The following CSMD1 variants were observed in gnomAD, a reference collection of about 807,000 sequenced individuals.
CSMD1 encodes CUB and sushi domain-containing protein 1.
A neutral mutation model predicts 417.5 loss-of-function variants in CSMD1; 213 were observed. The observed-to-expected ratio is 0.51, with a 90% confidence interval of 0.46 to 0.57. The LOEUF (loss-of-function observed/expected upper bound fraction) is 0.57. Among genes scored for constraint, CSMD1 ranks in the 20% least tolerant of loss-of-function variants. CSMD1 has a pLI of 0.00. For synonymous variants in CSMD1, 2,862 were observed against 1,736.8 expected (o/e 1.65, Z -16.11); for missense variants, 6,923 against 4,529.7 (o/e 1.53, Z -15.17).
intron 3 of CSMD1, among the ~76,000 whole-genome samples, chr8:4,364,334 T>C (rs1245485433): frequency 1.3e-5 from 2 of 152,134 alleles, no homozygotes; most frequent in Admixed American, 1.3e-4. Flanking sequence ...GCCCTTAAAA[T>C]AAAGAGAAAT....
At chr8:4,385,903 A>G (rs116488276) in intron 3 of CSMD1, among the ~76,000 whole-genome samples, 1 of 152,192 alleles carries the variant, frequency 6.6e-6, no homozygotes, top group Admixed American at 6.5e-5. Flanking sequence ...TCTCAGAACC[A>G]GTTCTCCAGG....
intron 5 of CSMD1, among the ~76,000 whole-genome samples, chr8:3,963,081 C>G (rs1454532414): frequency 6.6e-6 from 1 of 152,082 alleles, no homozygotes; most frequent in East Asian, 1.9e-4. Context: ...CAGGTATGCA[C>G]AACCACGTCT....
chr8:4,748,332 G>T (rs142625125), intron 1 of CSMD1, among the ~76,000 whole-genome samples: 5 of 152,380 alleles, frequency 3.3e-5, no homozygotes, highest in African/African-American at 1.2e-4. Flanking sequence ...AGTTGGAAAT[G>T]TGTGCATATG....
chr8:4,377,977 T>A (rs199840452), intron 3 of CSMD1, among the ~76,000 whole-genome samples: 1 of 152,214 alleles, frequency 6.6e-6, no homozygotes, highest in East Asian at 1.9e-4. Flanking sequence ...AGAATTGTAG[T>A]GCTGTCAACA....
intron 3 of CSMD1, among the ~76,000 whole-genome samples, chr8:4,048,706 G>T (rs73658546): frequency 0.038 from 5,787 of 152,108 alleles, 348 homozygotes; most frequent in African/African-American, 0.12. Context: ...GACACATTTG[G>T]GTGCATTTAT....
chr8:4,128,949 G>A (rs1354469843), intron 3 of CSMD1, among the ~76,000 whole-genome samples: 3 of 151,980 alleles, frequency 2.0e-5, no homozygotes, highest in East Asian at 3.9e-4. Context: ...GGTGGCATGT[G>A]CCTGTAGTCC....
At chr8:4,397,109 T>C (rs1804287914) in intron 3 of CSMD1, among the ~76,000 whole-genome samples, 1 of 152,182 alleles carries the variant, frequency 6.6e-6, no homozygotes, top group Non-Finnish European at 1.5e-5. Context: ...AAGAAGAGTA[T>C]ATAACCATCT....
chr8:3,313,994 A>G lies in CSMD1; in HGVS notation c.3632-5491T>C, dbSNP rs533825346. ...AGGGACATGGATGAAGCTGGAAACC[A>G]TCATTCTCAGCAAACTATCACAAGG... On this transcript the variant is annotated intron_variant, in intron 23 of 69. Coordinates refer to ENST00000635120, the MANE Select transcript of CSMD1 (RefSeq NM_033225.6). Among the ~76,000 whole-genome samples the G allele has an allele frequency of 1.2e-3, 186 of 152,298 alleles. 2 individuals are homozygous for G. The highest frequency in any genetic ancestry group is 4.3e-3 in the African/African-American group (180 of 41,572).
intron 7 of CSMD1, among the ~76,000 whole-genome samples, chr8:3,644,874 C>G (rs1432584387): frequency 6.8e-6 from 1 of 146,220 alleles, no homozygotes; most frequent in Admixed American, 7.0e-5. Context: ...CTGTTGGGTG[C>G]ATCTGCCATG....
At chr8:4,081,553 G>A (rs1449672701) in intron 3 of CSMD1, among the ~76,000 whole-genome samples, 1 of 152,080 alleles carries the variant, frequency 6.6e-6, no homozygotes, top group Non-Finnish European at 1.5e-5. Flanking sequence ...CCGAAGCTGT[G>A]CTCATGTTGA....
At chr8:4,917,464 C>G (rs1806141918) in intron 1 of CSMD1, among the ~76,000 whole-genome samples, 1 of 152,076 alleles carries the variant, frequency 6.6e-6, no homozygotes, top group African/African-American at 2.4e-5. Context: ...GAAACTCCAT[C>G]TCTACTAAAA....
chr8:3,927,928 G>C (rs192385204), intron 5 of CSMD1, among the ~76,000 whole-genome samples: 1 of 152,024 alleles, frequency 6.6e-6, no homozygotes, highest in African/African-American at 2.4e-5. Context: ...CAAATTCTTT[G>C]TTTTGTTAGA....
chr8:3,096,658 A>G (rs958974803), intron 47 of CSMD1, among the ~76,000 whole-genome samples, 191 bp downstream of exon 47: 3 of 152,230 alleles, frequency 2.0e-5, no homozygotes, highest in African/African-American at 7.2e-5. Flanking sequence ...CAACAATCAT[A>G]TGGTAATGTT....
intron 3 of CSMD1, among the ~76,000 whole-genome samples, chr8:4,375,011 C>T (rs1224833369): frequency 7.2e-6 from 1 of 138,358 alleles, no homozygotes; most frequent in Non-Finnish European, 1.5e-5. Context: ...ATAGTGGGGA[C>T]AGGGCAGGGA....
chr8:4,941,119 C>A (rs957119567), intron 1 of CSMD1, among the ~76,000 whole-genome samples: 4 of 152,104 alleles, frequency 2.6e-5, no homozygotes, highest in African/African-American at 7.2e-5. Flanking sequence ...TCTTTCGCCT[C>A]TGATTTTGAC....
At chr8:4,755,274 C>G (rs528142302) in intron 1 of CSMD1, among the ~76,000 whole-genome samples, 1 of 152,260 alleles carries the variant, frequency 6.6e-6, no homozygotes, top group East Asian at 1.9e-4. Context: ...ATGACTTTGC[C>G]TTCAACTTGG....
intron 28 of CSMD1, 118 bp downstream of exon 28, chr8:3,223,611 A>T (rs902441607): frequency 1.4e-5 from 15 of 1,064,518 alleles, no homozygotes; most frequent in Non-Finnish European, 2.1e-5. Flanking sequence ...TCCATTAGAC[A>T]CAAAATCTAG....
intron 26 of CSMD1, among the ~76,000 whole-genome samples, chr8:3,238,651 G>A (rs566459425): frequency 4.4e-4 from 67 of 152,178 alleles, no homozygotes; most frequent in African/African-American, 1.6e-3. Flanking sequence ...TATTGATGAT[G>A]GCCTGGATAC....
At chr8:3,801,556 G>A (rs1255690457) in intron 5 of CSMD1, among the ~76,000 whole-genome samples, 2 of 152,098 alleles carry the variant, frequency 1.3e-5, no homozygotes, top group African/African-American at 4.8e-5. Flanking sequence ...CTGGAAGACA[G>A]TTTTGCAATT....
Sources: gnomAD v4.1 joint callset for allele counts (sites outside exome capture counted in the v4.1 genomes callset) on GRCh38, gnomAD v4.1.1 for gene constraint, MANE v1.5 for transcripts, NCBI Gene and HGNC (gene_info 2026-07-23, HGNC 2026-07-21) for gene names.